PCDH7: variants seen among roughly 807,000 people sequenced by gnomAD.
The protein encoded by PCDH7 is protocadherin-7.
A neutral mutation model predicts 58.9 loss-of-function variants in PCDH7; 17 were observed. The ratio of observed to expected loss-of-function variants is 0.29; its 90% CI spans 0.20 to 0.43. The LOEUF (loss-of-function observed/expected upper bound fraction) is 0.43, where lower values mean the gene tolerates loss of function less well. PCDH7 is among the 20% of genes least tolerant of loss of function. PCDH7 has a pLI of 1.00. For synonymous variants in PCDH7, 664 were observed against 616.4 expected, an observed-to-expected ratio of 1.08 and a Z score of -1.14; for missense variants, 1,274 against 1,441.0, an observed-to-expected ratio of 0.88 and a Z score of 1.88.
intron 3 of PCDH7, among the ~76,000 whole-genome samples, chr4:31,066,631 C>G (rs577964565): frequency 6.6e-6 from 1 of 151,964 alleles, no homozygotes; most frequent in South Asian, 2.1e-4. Flanking sequence ...GAATTTCACT[C>G]TGGTATTACT....
intron 1 of PCDH7, among the ~76,000 whole-genome samples, chr4:30,874,300 G>A (rs931542678): frequency 2.0e-5 from 3 of 151,894 alleles, no homozygotes; most frequent in Admixed American, 6.6e-5. Flanking sequence ...CAACCCAAAC[G>A]TCCAACAATG....
At chr4:30,727,427 CTA>C (rs1714763685) in intron 1 of PCDH7, among the ~76,000 whole-genome samples, 1 of 151,992 alleles carries the variant, frequency 6.6e-6, no homozygotes, top group Non-Finnish European at 1.5e-5. Flanking sequence ...AATCAAGCTT[CTA>C]TGGCAGACTC....
intron 3 of PCDH7, among the ~76,000 whole-genome samples, chr4:31,014,767 T>A (rs1353501209): frequency 1.3e-5 from 2 of 152,186 alleles, no homozygotes; most frequent in Admixed American, 1.3e-4. Flanking sequence ...TCTCTTAGAA[T>A]TGGAGTATCA....
chr4:30,928,104 T>C (rs1038662748), intron 2 of PCDH7, among the ~76,000 whole-genome samples: 2 of 152,122 alleles, frequency 1.3e-5, no homozygotes, highest in Non-Finnish European at 2.9e-5. Context: ...TCCTACTAAG[T>C]AACTGGGATT....
chr4:31,074,145 C>T (rs1758781279), intron 3 of PCDH7, among the ~76,000 whole-genome samples: 1 of 151,776 alleles, frequency 6.6e-6, no homozygotes, highest in African/African-American at 2.4e-5. Context: ...AACCCCAAAA[C>T]CCCCGTCACA....
intron 1 of PCDH7, among the ~76,000 whole-genome samples, chr4:30,790,159 A>G (rs1040560503): frequency 2.0e-5 from 3 of 152,174 alleles, no homozygotes; most frequent in Non-Finnish European, 2.9e-5. Context: ...CTGTTTGGTA[A>G]ATACACTTTA....
At chr4:30,955,847 C>A (rs1415790867) in intron 3 of PCDH7, among the ~76,000 whole-genome samples, 4 of 151,976 alleles carry the variant, frequency 2.6e-5, no homozygotes, top group Non-Finnish European at 5.9e-5. Context: ...CCGTGCTCGG[C>A]CAAGGCCATT....
intron 3 of PCDH7, among the ~76,000 whole-genome samples, chr4:31,121,596 T>C (rs761292661): frequency 1.3e-5 from 2 of 152,188 alleles, no homozygotes; most frequent in Non-Finnish European, 2.9e-5. Context: ...GAAAATATGA[T>C]TACTAGTTGA....
exon 4 of PCDH7, chr4:31,142,628 C>A: frequency 7.3e-7 from 1 of 1,367,646 alleles, no homozygotes; most frequent in Non-Finnish European, 9.8e-7. Context: ...TGTTGATGAA[C>A]GAGGAAGCCA....
At chr4:30,960,018 A>G (rs1367127876) in intron 3 of PCDH7, among the ~76,000 whole-genome samples, 1 of 151,644 alleles carries the variant, frequency 6.6e-6, no homozygotes, top group Non-Finnish European at 1.5e-5. Flanking sequence ...ATAATACAGT[A>G]ACCTACATTA....
At chr4:30,798,611 T>C (rs979506409) in intron 1 of PCDH7, among the ~76,000 whole-genome samples, 1 of 152,242 alleles carries the variant, frequency 6.6e-6, no homozygotes, top group African/African-American at 2.4e-5. Context: ...TTATGTGTGA[T>C]GATATGGAAT....
intron 1 of PCDH7, among the ~76,000 whole-genome samples, chr4:30,807,885 T>A (rs1726444431): frequency 6.6e-6 from 1 of 152,186 alleles, no homozygotes; most frequent in African/African-American, 2.4e-5. Context: ...AGAGCTTAAA[T>A]TTATGGAGAC....
At chr4:30,821,912 C>T (rs1021438063) in intron 1 of PCDH7, among the ~76,000 whole-genome samples, 7 of 152,080 alleles carry the variant, frequency 4.6e-5, no homozygotes, top group Non-Finnish European at 7.4e-5. Flanking sequence ...AAATGTGTAT[C>T]CCAGAGGCAC....
At chr4:30,738,173 A>G (rs1716560503) in intron 1 of PCDH7, among the ~76,000 whole-genome samples, 1 of 152,156 alleles carries the variant, frequency 6.6e-6, no homozygotes, top group Admixed American at 6.5e-5. Context: ...CCCTATCTCC[A>G]AGTACAGTCA....
At chr4:31,127,287 A>G (rs1018483019) in intron 3 of PCDH7, among the ~76,000 whole-genome samples, 4 of 152,212 alleles carry the variant, frequency 2.6e-5, no homozygotes, top group African/African-American at 9.7e-5. Flanking sequence ...GGGAAAGATG[A>G]CATTCTAATT....
intron 3 of PCDH7, among the ~76,000 whole-genome samples, chr4:31,118,544 GAAAAA>G (rs924759872): frequency 1.3e-5 from 2 of 151,148 alleles, no homozygotes; most frequent in African/African-American, 4.9e-5. Context: ...TCCTAAAAAA[GAAAAA>G]AAAGAAGAAC....
intron 1 of PCDH7, among the ~76,000 whole-genome samples, chr4:30,904,096 C>T (rs1186000634): frequency 6.6e-6 from 1 of 152,046 alleles, no homozygotes; most frequent in Admixed American, 6.6e-5. Flanking sequence ...AGTATGAAAC[C>T]CAAGCCCAAC....
chr4:30,910,030 C>T (rs889138787), intron 1 of PCDH7, among the ~76,000 whole-genome samples: 3 of 152,102 alleles, frequency 2.0e-5, no homozygotes, highest in Non-Finnish European at 4.4e-5. Flanking sequence ...CACACATCTA[C>T]AACCATCTGA....
At chr4:30,997,407 T>C (rs552669283) in intron 3 of PCDH7, among the ~76,000 whole-genome samples, 1 of 152,296 alleles carries the variant, frequency 6.6e-6, no homozygotes, top group South Asian at 2.1e-4. Context: ...GATTGAAGAT[T>C]GTGTTTTAAT....
Sources: allele counts gnomAD v4.1 joint callset (sites outside exome capture counted in the v4.1 genomes callset), GRCh38; gene constraint gnomAD v4.1.1; transcripts MANE v1.5; gene names NCBI Gene and HGNC (gene_info 2026-07-23, HGNC 2026-07-21).